RPTOR: variants seen among roughly 807,000 people sequenced by gnomAD.
RPTOR encodes regulatory associated protein of MTOR complex 1, also known as regulatory-associated protein of mTOR.
Under a neutral mutation model 169.9 loss-of-function variants are expected in RPTOR, and 21 were observed. That is an observed-to-expected ratio of 0.12 (90% confidence interval 0.09 to 0.18). RPTOR has a LOEUF of 0.18. Among genes scored for constraint, RPTOR ranks in the 10% least tolerant of loss-of-function variants. The pLI is 1.00. For missense variants in RPTOR, 1,133 were observed against 1,855.9 expected (o/e 0.61, Z 7.16); for synonymous variants, 732 against 753.2 (o/e 0.97, Z 0.46).
At chr17:80,681,807 A>G (rs1008969335) in intron 3 of RPTOR, among the ~76,000 whole-genome samples, 1 of 53,576 alleles carries the variant, frequency 1.9e-5, no homozygotes, top group Non-Finnish European at 3.8e-5. Context: ...CGTCTCTTAC[A>G]CCTTCTTGAG....
At chr17:80,580,151 T>G (rs889401667) in intron 1 of RPTOR, among the ~76,000 whole-genome samples, 3 of 152,228 alleles carry the variant, frequency 2.0e-5, no homozygotes, top group Admixed American at 6.5e-5. Context: ...GAATTACCAA[T>G]AATTTAACCA....
At chr17:80,826,404 C>T (rs2143631879) in intron 9 of RPTOR, among the ~76,000 whole-genome samples, 1 of 152,314 alleles carries the variant, frequency 6.6e-6, no homozygotes, top group African/African-American at 2.4e-5. Flanking sequence ...GAGCTCGTCA[C>T]CAGGCCCTGC....
In RPTOR at chr17:80,855,854, C is replaced by T. The variant is rs368856894; in HGVS notation, c.1398+307C>T. ...TCACCTTTTCCTGAGCCGCCCCCAG[C>T]GCTGCGGAGGAGCAGGGCGCCCCTG... On this transcript the variant is annotated intron_variant, in intron 12 of 33. Transcript: ENST00000306801. Among the ~76,000 whole-genome samples the T allele has an allele frequency of 5.6e-4, 85 of 152,302 alleles. 1 individual carries two copies. The highest frequency in any genetic ancestry group is 1.9e-3 in the African/African-American group (81 of 41,568).
chr17:80,963,264 C>T (rs555396485), intron 33 of RPTOR, among the ~76,000 whole-genome samples: 2 of 152,080 alleles, frequency 1.3e-5, no homozygotes, highest in African/African-American at 4.8e-5. Flanking sequence ...AGCCCCAGTC[C>T]CGTCACTCCG....
At chr17:80,822,509 G>C (rs1046108263) in intron 8 of RPTOR, among the ~76,000 whole-genome samples, 4 of 152,242 alleles carry the variant, frequency 2.6e-5, no homozygotes, top group Non-Finnish European at 5.9e-5. Flanking sequence ...CAGAACGGTG[G>C]TGTGGAGAGA....
At chr17:80,647,440 G>T (rs893179350) in intron 3 of RPTOR, among the ~76,000 whole-genome samples, 13 of 152,206 alleles carry the variant, frequency 8.5e-5, no homozygotes, top group African/African-American at 3.1e-4. Flanking sequence ...AACAAATTGG[G>T]GCTACTGGCA....
At chr17:80,867,550 A>G (rs1416564164) in intron 13 of RPTOR, among the ~76,000 whole-genome samples, 3 of 152,102 alleles carry the variant, frequency 2.0e-5, no homozygotes, top group Admixed American at 6.6e-5. Context: ...GAGTCAAGGA[A>G]AAAAAGGCAT....
chr17:80,778,193 A>G (rs868307681), intron 6 of RPTOR, among the ~76,000 whole-genome samples: 1 of 152,354 alleles, frequency 6.6e-6, no homozygotes, highest in Middle Eastern at 3.4e-3. Context: ...GTGCTAGGCC[A>G]GTGACATCTC....
chr17:80,550,125 G>A (rs2084326776), intron 1 of RPTOR, among the ~76,000 whole-genome samples: 1 of 152,164 alleles, frequency 6.6e-6, no homozygotes, highest in African/African-American at 2.4e-5. Context: ...TACCCCCTCT[G>A]CTTTCCTCAC....
At position 80,947,657 on chromosome 17, in the gene RPTOR, C is replaced by T. The variant is rs557291901; in HGVS notation, c.3265+306C>T. On this transcript the variant is annotated intron_variant, in intron 27 of 33. Transcript: ENST00000306801. This position sits in a 1 kb window ranked among gnomAD's most constrained non-coding sequence, Gnocchi z 4.4. The stretch of plus-strand genomic sequence containing the variant: ...TGTCCTTAAACCCCTGTGAGAGACC[C>T]GGTGGGTCCCACGTGACACCCGAGA... 2.6e-5 allele frequency among the ~76,000 whole-genome samples: 4 copies of T among 152,178 alleles called. No homozygotes were observed. Among genetic ancestry groups the T allele is most frequent in the Non-Finnish European group, 5.9e-5 (4 of 68,036 alleles).
intron 24 of RPTOR, among the ~76,000 whole-genome samples, chr17:80,926,520 T>C (rs1455484495): frequency 2.0e-5 from 3 of 152,242 alleles, no homozygotes; most frequent in South Asian, 4.1e-4. Context: ...TTCCGTGTTG[T>C]TTCTAAGAAC....
chr17:80,779,237 C>T (rs2066917148), intron 6 of RPTOR, among the ~76,000 whole-genome samples: 1 of 152,188 alleles, frequency 6.6e-6, no homozygotes, highest in South Asian at 2.1e-4. Context: ...TCAACTTCTG[C>T]CTGTAGAAAC....
chr17:80,716,005 G>A (rs988296449), intron 4 of RPTOR, among the ~76,000 whole-genome samples: 1 of 152,164 alleles, frequency 6.6e-6, no homozygotes. Flanking sequence ...TTTTGCAATT[G>A]CGAATTGTGC....
At chr17:80,840,559 C>T (rs559576209) in intron 10 of RPTOR, among the ~76,000 whole-genome samples, 3 of 129,462 alleles carry the variant, frequency 2.3e-5, no homozygotes, top group African/African-American at 3.1e-5. Flanking sequence ...TCTCACCGCA[C>T]GGCAGCTCAC....
chr17:80,735,260 G>T (rs1389172337), intron 5 of RPTOR, among the ~76,000 whole-genome samples: 2 of 151,520 alleles, frequency 1.3e-5, no homozygotes, highest in Non-Finnish European at 2.9e-5. Flanking sequence ...TGGAATTTTA[G>T]GCAATTTTCA....
chr17:80,831,506 C>G (rs1300016275), intron 9 of RPTOR, among the ~76,000 whole-genome samples: 1 of 152,224 alleles, frequency 6.6e-6, no homozygotes, highest in Non-Finnish European at 1.5e-5. Context: ...TTCTGGAAGA[C>G]TGGGAAACCC....
At chr17:80,792,483 A>C (rs1048782398) in intron 7 of RPTOR, among the ~76,000 whole-genome samples, 1 of 152,118 alleles carries the variant, frequency 6.6e-6, no homozygotes, top group South Asian at 2.1e-4. Context: ...TGTGTGGCCA[A>C]CAGGAAGGCC....
intron 4 of RPTOR, among the ~76,000 whole-genome samples, chr17:80,727,812 T>C (rs2066353114): frequency 1.3e-5 from 2 of 152,202 alleles, no homozygotes; most frequent in Non-Finnish European, 2.9e-5. Context: ...AGTATTTCTA[T>C]AGGATGGATA....
At chr17:80,830,166 C>T (rs901086899) in intron 9 of RPTOR, among the ~76,000 whole-genome samples, 1 of 152,150 alleles carries the variant, frequency 6.6e-6, no homozygotes, top group Non-Finnish European at 1.5e-5. Flanking sequence ...AGATTCTCCC[C>T]GCTGGCTTCT....
Sources: allele counts gnomAD v4.1 joint callset (sites outside exome capture counted in the v4.1 genomes callset), GRCh38; gene constraint gnomAD v4.1.1; non-coding constraint Gnocchi (gnomAD v3.1); transcripts MANE v1.5; gene names NCBI Gene and HGNC (gene_info 2026-07-23, HGNC 2026-07-21).